Variants in TRPA1 observed in about 807,000 individuals in gnomAD.
TRPA1 encodes the protein ankyrin-like with transmembrane domains 1.
In TRPA1, 129 loss-of-function variants were observed where a neutral mutation model predicts 131.3. The observed-to-expected ratio is 0.98, with a 90% CI of 0.85 to 1.14. TRPA1 has a LOEUF of 1.14. Among genes scored for constraint, TRPA1 ranks in the 50% most tolerant of loss-of-function variants. The probability of loss-of-function intolerance (pLI) is 0.00; values close to 1 mark genes in which losing one functional copy is unlikely to be tolerated. For synonymous variants in TRPA1, 441 were observed against 451.7 expected (o/e 0.98, Z 0.30); for missense variants, 1,304 against 1,354.2 (o/e 0.96, Z 0.58).
intron 8 of TRPA1, 44 bp downstream of exon 8, chr8:72,059,346 A>G: frequency 1.6e-6 from 2 of 1,266,636 alleles, no homozygotes; most frequent in Non-Finnish European, 2.2e-6. Flanking sequence ...GATTTCTTAA[A>G]TTATAAATAG....
chr8:72,026,801 G>C (rs1210856494), intron 24 of TRPA1, among the ~76,000 whole-genome samples: 1 of 151,812 alleles, frequency 6.6e-6, no homozygotes, highest in Non-Finnish European at 1.5e-5. Flanking sequence ...GTAACTACTT[G>C]TAACTACTAG....
chr8:72,037,928 A>C (rs1480474201), intron 20 of TRPA1, 55 bp downstream of exon 20: 1 of 1,034,190 alleles, frequency 9.7e-7, no homozygotes, highest in Non-Finnish European at 1.5e-6. Flanking sequence ...CAATTAACTT[A>C]TGTTCTGCAT....
At chr8:72,063,036 C>T in intron 5 of TRPA1, 92 bp from the exon 6 acceptor site, 3 of 1,222,680 alleles carry the variant, frequency 2.5e-6, no homozygotes, top group East Asian at 5.1e-5. Context: ...GGTAAAAAAA[C>T]AATGAAAGGG....
At chr8:72,025,722 G>C (rs1030692868) in intron 25 of TRPA1, among the ~76,000 whole-genome samples, 5 of 152,134 alleles carry the variant, frequency 3.3e-5, no homozygotes, top group African/African-American at 1.2e-4. Flanking sequence ...GGGACAGCAC[G>C]CATTTAACAC....
chr8:72,054,674 C>T (rs1805615489), intron 12 of TRPA1: 2 of 152,158 alleles, frequency 1.3e-5, no homozygotes. Flanking sequence ...TCTTTGTAAA[C>T]CAGAAAAAAC....
intron 24 of TRPA1, among the ~76,000 whole-genome samples, chr8:72,029,248 T>G (rs577585434): frequency 6.6e-6 from 1 of 152,282 alleles, no homozygotes; most frequent in African/African-American, 2.4e-5. Context: ...GCACAAAATA[T>G]AAGGAGCTCC....
At chr8:72,023,520 C>T (rs1450392872) in intron 26 of TRPA1, 2 of 413,246 alleles carry the variant, frequency 4.8e-6, no homozygotes, top group Non-Finnish European at 8.8e-6. Flanking sequence ...CAGAGCTTTG[C>T]TTTATGAATT....
At position 72,057,030 on chromosome 8, in the gene TRPA1, A is replaced by T. The variant is rs753469428; in HGVS notation, c.1094-13T>A. 1 of 1,536,576 alleles carries T rather than the reference A, an allele frequency of 6.5e-7. No homozygotes were observed. The highest frequency in any genetic ancestry group is 1.7e-5 in the Admixed American group (1 of 58,486). On this transcript the variant is annotated splice_polypyrimidine_tract_variant and intron_variant, in intron 9 of 26. Coordinates refer to ENST00000262209, the MANE Select transcript of TRPA1 (RefSeq NM_007332.3). ...TCTACTTGGGCACCTAAAAAAAAAC[A>T]CTATGTAAATATAAATTCTATTCAT...
At chr8:72,048,506 A>G (rs1805407897) in intron 15 of TRPA1, among the ~76,000 whole-genome samples, 1 of 152,112 alleles carries the variant, frequency 6.6e-6, no homozygotes, top group African/African-American at 2.4e-5. Flanking sequence ...TGAAAAATAA[A>G]GACAAGACTA....
intron 14 of TRPA1, among the ~76,000 whole-genome samples, chr8:72,051,765 GACTA>G (rs1162830514): frequency 3.3e-5 from 5 of 152,126 alleles, no homozygotes; most frequent in Non-Finnish European, 7.4e-5. Flanking sequence ...TGAGAAGTGA[GACTA>G]ACTATCCTCT....
intron 13 of TRPA1, chr8:72,053,006 A>AC (rs1491480812): frequency 1.9e-5 from 5 of 261,570 alleles, no homozygotes; most frequent in African/African-American, 6.9e-5. Flanking sequence ...AGAGATAGAG[A>AC]AAGAGAGAGA....
At chr8:72,024,817 C>A (rs1811527518) in intron 25 of TRPA1, among the ~76,000 whole-genome samples, 2 of 151,964 alleles carry the variant, frequency 1.3e-5, no homozygotes, top group Non-Finnish European at 2.9e-5. Flanking sequence ...TAATTTTAAC[C>A]ATGGACATGT....
chr8:72,059,889 G>A (rs1270356973), intron 7 of TRPA1, among the ~76,000 whole-genome samples: 1 of 152,156 alleles, frequency 6.6e-6, no homozygotes, highest in Non-Finnish European at 1.5e-5. Context: ...GGCAGTGTTA[G>A]CTTTTCTGAG....
intron 24 of TRPA1, among the ~76,000 whole-genome samples, chr8:72,027,233 T>C (rs1585834467): frequency 6.6e-6 from 1 of 152,236 alleles, no homozygotes; most frequent in East Asian, 1.9e-4. Context: ...ACAGATAAAA[T>C]ACATAGTGTG....
chr8:72,052,488 A>C (rs1323604613), intron 14 of TRPA1, 111 bp downstream of exon 14: 2 of 1,403,262 alleles, frequency 1.4e-6, no homozygotes, highest in African/African-American at 2.8e-5. Context: ...CTGATATTTT[A>C]AATTTTGATT....
At chr8:72,060,844 T>C (rs1805791401) in intron 7 of TRPA1, among the ~76,000 whole-genome samples, 1 of 149,884 alleles carries the variant, frequency 6.7e-6, no homozygotes, top group East Asian at 2.0e-4. Context: ...AGATCTTATA[T>C]TGGTAGCTAT....
intron 14 of TRPA1, 81 bp from the exon 15 acceptor site, chr8:72,050,952 T>C (rs1178386660): frequency 2.9e-6 from 3 of 1,051,588 alleles, no homozygotes; most frequent in Non-Finnish European, 1.5e-6. Flanking sequence ...AGATTATTTC[T>C]TTAGGGGAAA....
intron 15 of TRPA1, among the ~76,000 whole-genome samples, chr8:72,049,707 A>C (rs1271910968): frequency 2.0e-5 from 3 of 152,314 alleles, no homozygotes; most frequent in Non-Finnish European, 4.4e-5. Flanking sequence ...AACCCACAGA[A>C]GCCAGGCAAG....
chr8:72,081,769 T>C, the TRPA1 span, among the ~76,000 whole-genome samples: 2 of 151,854 alleles, frequency 1.3e-5, no homozygotes, highest in African/African-American at 4.8e-5. Flanking sequence ...GTAATATTTC[T>C]TATTTTAAAG....
Sources: allele counts gnomAD v4.1 joint callset (sites outside exome capture counted in the v4.1 genomes callset), GRCh38; gene constraint gnomAD v4.1.1; transcripts MANE v1.5; gene names NCBI Gene and HGNC (gene_info 2026-07-23, HGNC 2026-07-21).